PTPRM: variants seen among roughly 807,000 people sequenced by gnomAD.
PTPRM encodes protein tyrosine phosphatase receptor type M.
In PTPRM, 47 loss-of-function variants were observed where a neutral mutation model predicts 186.7. That is an observed-to-expected ratio of 0.25 (90% CI 0.20 to 0.32). The LOEUF (loss-of-function observed/expected upper bound fraction) is 0.32, where lower values mean the gene tolerates loss of function less well. PTPRM is among the 10% of genes least tolerant of loss of function. The pLI is 1.00. For synonymous variants in PTPRM, 668 were observed against 674.9 expected (o/e 0.99, Z 0.16); for missense variants, 1,494 against 1,865.0 (o/e 0.80, Z 3.66).
At chr18:8,139,162 G>C (rs1360552883) in intron 13 of PTPRM, among the ~76,000 whole-genome samples, 1 of 152,014 alleles carries the variant, frequency 6.6e-6, no homozygotes, top group African/African-American at 2.4e-5. Flanking sequence ...CTAAACTCTT[G>C]GTCTGCCCAC....
At position 7,711,214 on chromosome 18, in the gene PTPRM, C is replaced by A. The variant is rs557994429; in HGVS notation, c.74-62935C>A. On this transcript the variant is annotated intron_variant, in intron 1 of 32. Coordinates refer to ENST00000580170, the MANE Select transcript of PTPRM (RefSeq NM_001105244.2). The stretch of plus-strand genomic sequence containing the variant: ...AAACAGGGTGGGGCATTGCCTCACC[C>A]GGGAAGCTCAAGGGGTCGGGGAACT... Among the ~76,000 whole-genome samples, 28 of 152,222 alleles carry A rather than the reference C, an allele frequency of 1.8e-4. No individual in the cohort carries two copies. In the East Asian group the frequency reaches 4.5e-3, roughly 24 times the overall value.
intron 1 of PTPRM, among the ~76,000 whole-genome samples, chr18:7,662,897 T>G (rs1393224382): frequency 6.6e-6 from 1 of 152,166 alleles, no homozygotes; most frequent in South Asian, 2.1e-4. Context: ...AAAAGATATA[T>G]ACATTTTAAT....
At chr18:8,265,230 C>T (rs925852980) in intron 19 of PTPRM, among the ~76,000 whole-genome samples, 5 of 152,220 alleles carry the variant, frequency 3.3e-5, no homozygotes, top group Non-Finnish European at 7.3e-5. Context: ...CACTCAGGGT[C>T]TCAGCTCTGT....
intron 2 of PTPRM, among the ~76,000 whole-genome samples, chr18:7,827,532 T>C (rs2045549042): frequency 6.6e-6 from 1 of 152,248 alleles, no homozygotes; most frequent in Non-Finnish European, 1.5e-5. Flanking sequence ...TCTGTCTTTT[T>C]ACCTTTGGAA....
intron 7 of PTPRM, among the ~76,000 whole-genome samples, chr18:8,048,930 A>G (rs1201797247): frequency 1.3e-5 from 2 of 152,178 alleles, no homozygotes; most frequent in Non-Finnish European, 2.9e-5. Flanking sequence ...TGGGTAAAAT[A>G]TCAGTTCCGG....
intron 7 of PTPRM, among the ~76,000 whole-genome samples, chr18:8,024,559 A>G (rs560957894): frequency 3.9e-5 from 6 of 152,012 alleles, no homozygotes; most frequent in African/African-American, 1.4e-4. Flanking sequence ...ACATATGGGC[A>G]CTCAACTTAT....
chr18:8,120,598 C>G (rs1277185728), intron 13 of PTPRM, among the ~76,000 whole-genome samples: 1 of 151,464 alleles, frequency 6.6e-6, no homozygotes. Context: ...TGTGTTCAAG[C>G]AGTCCTCCTG....
chr18:8,163,183 G>A (rs1432337620), intron 14 of PTPRM, among the ~76,000 whole-genome samples: 2 of 152,150 alleles, frequency 1.3e-5, no homozygotes, highest in Admixed American at 6.5e-5. Flanking sequence ...CTGGTGCCTG[G>A]ACTTAAACAA....
intron 22 of PTPRM, among the ~76,000 whole-genome samples, chr18:8,326,019 G>T (rs1330931031): frequency 6.6e-6 from 1 of 152,120 alleles, no homozygotes; most frequent in Non-Finnish European, 1.5e-5. Flanking sequence ...TTTTAATGGG[G>T]TTATTTGGCT....
chr18:7,953,210 A>G (rs541040565), intron 6 of PTPRM, among the ~76,000 whole-genome samples: 124 of 152,354 alleles, frequency 8.1e-4, no homozygotes, highest in Non-Finnish European at 1.2e-3. Context: ...ATTTTAGGAT[A>G]CTAGTTACAA....
chr18:8,214,157 A>G (rs1387488083), intron 14 of PTPRM, among the ~76,000 whole-genome samples: 1 of 152,172 alleles, frequency 6.6e-6, no homozygotes, highest in African/African-American at 2.4e-5. Context: ...ATTGGGGTAC[A>G]GTGTACACTG....
intron 1 of PTPRM, among the ~76,000 whole-genome samples, chr18:7,624,441 C>T (rs890220619): frequency 1.3e-5 from 2 of 152,166 alleles, no homozygotes; most frequent in African/African-American, 4.8e-5. Context: ...CTACCTTTTT[C>T]TTGTCGTGTA....
chr18:7,726,396 T>C (rs1205020589), intron 1 of PTPRM, among the ~76,000 whole-genome samples: 1 of 152,242 alleles, frequency 6.6e-6, no homozygotes, highest in Non-Finnish European at 1.5e-5. Flanking sequence ...AAGTCGCTTA[T>C]CAGATAATAT....
At chr18:8,161,260 A>C (rs2093224234) in intron 14 of PTPRM, among the ~76,000 whole-genome samples, 1 of 152,120 alleles carries the variant, frequency 6.6e-6, no homozygotes, top group Non-Finnish European at 1.5e-5. Flanking sequence ...CCTTATTGTA[A>C]TTGCATCTGT....
At chr18:7,647,562 C>A (rs1598291812) in intron 1 of PTPRM, among the ~76,000 whole-genome samples, 1 of 152,178 alleles carries the variant, frequency 6.6e-6, no homozygotes, top group Non-Finnish European at 1.5e-5. Flanking sequence ...TTAATTGTAG[C>A]ATAATAAAGA....
chr18:7,984,542 T>C (rs2082726059), intron 7 of PTPRM, among the ~76,000 whole-genome samples: 1 of 141,210 alleles, frequency 7.1e-6, no homozygotes. Flanking sequence ...TTGTGGGTAG[T>C]ATACATATAT....
chr18:8,207,305 G>A (rs1271208368), intron 14 of PTPRM, among the ~76,000 whole-genome samples: 1 of 152,290 alleles, frequency 6.6e-6, no homozygotes, highest in East Asian at 1.9e-4. Context: ...TTTATAGCTT[G>A]CACCACTACT....
intron 1 of PTPRM, among the ~76,000 whole-genome samples, chr18:7,737,635 TCC>T (rs2040799805): frequency 6.6e-6 from 1 of 152,184 alleles, no homozygotes; most frequent in African/African-American, 2.4e-5. Context: ...GTGCTAGTGG[TCC>T]TGGGGAATGT....
At chr18:7,695,471 T>G (rs993440508) in intron 1 of PTPRM, among the ~76,000 whole-genome samples, 1 of 152,230 alleles carries the variant, frequency 6.6e-6, no homozygotes, top group African/African-American at 2.4e-5. Context: ...TCCACCGTCT[T>G]GCAGTTATTT....
Sources: gnomAD v4.1 joint callset for allele counts (sites outside exome capture counted in the v4.1 genomes callset) on GRCh38, gnomAD v4.1.1 for gene constraint, MANE v1.5 for transcripts, NCBI Gene and HGNC (gene_info 2026-07-23, HGNC 2026-07-21) for gene names.